The following ADAM10 variants were observed in gnomAD, a reference collection of about 807,000 sequenced individuals.
ADAM10 encodes the protein ADAM metallopeptidase domain 10.
Under a neutral mutation model 90.1 loss-of-function variants are expected in ADAM10, and 17 were observed. The observed-to-expected ratio is 0.19, with a 90% CI of 0.13 to 0.28. The LOEUF is 0.28. Ranked by LOEUF, ADAM10 falls within the 10% of genes least tolerant of loss-of-function variation. The pLI is 1.00. For missense variants in ADAM10, 610 were observed against 914.3 expected (o/e 0.67, Z 4.29); for synonymous variants, 310 against 298.6 (o/e 1.04, Z -0.40).
chr15:58,735,607 C>G (rs1273763291), intron 1 of ADAM10, among the ~76,000 whole-genome samples: 4 of 152,050 alleles, frequency 2.6e-5, no homozygotes, highest in African/African-American at 9.7e-5. Context: ...AGTTGTTGTA[C>G]TGTGTTGTGT....
chr15:58,674,134 T>C (rs960434377), intron 4 of ADAM10, among the ~76,000 whole-genome samples: 1 of 152,190 alleles, frequency 6.6e-6, no homozygotes, highest in Admixed American at 6.5e-5. Context: ...TGTGGCCTTC[T>C]CAACTTTTCG....
At chr15:58,706,760 C>T (rs1898302819) in intron 2 of ADAM10, among the ~76,000 whole-genome samples, 1 of 152,034 alleles carries the variant, frequency 6.6e-6, no homozygotes, top group African/African-American at 2.4e-5. Flanking sequence ...CCTGTAATTC[C>T]AGAACTTTGG....
intron 15 of ADAM10, among the ~76,000 whole-genome samples, chr15:58,598,770 T>C (rs1427553950): frequency 2.0e-5 from 3 of 152,236 alleles, no homozygotes; most frequent in Admixed American, 2.0e-4. Context: ...GTTTATTTCC[T>C]GTCCTTTTCT....
intron 14 of ADAM10, among the ~76,000 whole-genome samples, chr15:58,608,240 A>T (rs1425470347): frequency 6.6e-6 from 1 of 152,212 alleles, no homozygotes. Flanking sequence ...TGTAACACAG[A>T]AAGAAGACAA....
At chr15:58,612,970 T>A (rs1595990374) in intron 11 of ADAM10, among the ~76,000 whole-genome samples, 1 of 152,108 alleles carries the variant, frequency 6.6e-6, no homozygotes, top group African/African-American at 2.4e-5. Context: ...ACTCTACGCA[T>A]CCGCAACTGG....
intron 1 of ADAM10, among the ~76,000 whole-genome samples, chr15:58,746,414 C>G (rs1899793652): frequency 6.6e-6 from 1 of 152,194 alleles, no homozygotes; most frequent in South Asian, 2.1e-4. Context: ...CTGGGAGAGG[C>G]TGTACACATA....
At chr15:58,648,691 T>C (rs1387181421) in intron 5 of ADAM10, among the ~76,000 whole-genome samples, 6 of 152,188 alleles carry the variant, frequency 3.9e-5, no homozygotes, top group Admixed American at 6.5e-5. Context: ...TTCTCTTATT[T>C]ATCATATGAT....
chr15:58,642,281 C>G (rs1266978821), intron 7 of ADAM10, among the ~76,000 whole-genome samples: 1 of 152,090 alleles, frequency 6.6e-6, no homozygotes, highest in African/African-American at 2.4e-5. Flanking sequence ...GCCTGGCCAA[C>G]ATGGTGAAAC....
intron 4 of ADAM10, among the ~76,000 whole-genome samples, chr15:58,678,801 T>C (rs544852499): frequency 6.6e-6 from 1 of 152,234 alleles, no homozygotes; most frequent in East Asian, 1.9e-4. Flanking sequence ...CAATAGGTCA[T>C]ACACACAAAG....
chr15:58,673,666 T>A (rs1197738655), intron 4 of ADAM10, among the ~76,000 whole-genome samples: 1 of 152,026 alleles, frequency 6.6e-6, no homozygotes, highest in African/African-American at 2.4e-5. Flanking sequence ...ATATGCATAA[T>A]ATGAAAAGTC....
rs568112627 is a variant in ADAM10, at chr15:58,635,108, T to A, written c.1013-1749A>T. Among the ~76,000 whole-genome samples the A allele has an allele frequency of 8.3e-3, 1,256 of 151,824 alleles. 19 individuals carry two copies. Among genetic ancestry groups the A allele is most frequent in the African/African-American group, 0.029 (1,196 of 41,400 alleles). ...GAACATCTCGGTGAAACCCCATCTC[T>A]GCTAAAAATACAAAAAATTAGCAGG... On this transcript the variant is annotated intron_variant, in intron 8 of 15. Coordinates refer to ENST00000260408, the MANE Select transcript of ADAM10 (RefSeq NM_001110.4).
At chr15:58,745,720 C>G (rs1250853625) in intron 1 of ADAM10, among the ~76,000 whole-genome samples, 1 of 152,004 alleles carries the variant, frequency 6.6e-6, no homozygotes, top group Non-Finnish European at 1.5e-5. Flanking sequence ...GAACAACATA[C>G]CCACAGTACC....
rs1899913684 is a variant in ADAM10, at chr15:58,749,573, G to A, written c.-39C>T. 1.3e-6 allele frequency: 2 copies of A among 1,549,042 alleles called. No homozygotes were observed. The highest frequency in any genetic ancestry group is 1.7e-6 in the Non-Finnish European group (2 of 1,145,678). ...TGCCGCCGCCGCCGCCTCCTCACGG[G>A]TTAACAGCAGCACATCGATCCGGAG... On this transcript the variant is annotated 5_prime_UTR_variant, in exon 1 of 16. Transcript: ENST00000260408.
At chr15:58,725,512 A>G (rs1164852337) in intron 1 of ADAM10, among the ~76,000 whole-genome samples, 2 of 151,684 alleles carry the variant, frequency 1.3e-5, no homozygotes, top group Non-Finnish European at 2.9e-5. Flanking sequence ...CAACAGCCTC[A>G]GCAACAAAGT....
chr15:58,678,957 AT>A (rs1486532575), intron 4 of ADAM10, among the ~76,000 whole-genome samples, 166 bp downstream of exon 4: 8 of 152,322 alleles, frequency 5.3e-5, no homozygotes, highest in Admixed American at 2.6e-4. Flanking sequence ...AAATTGCCTC[AT>A]TACATATATC....
intron 2 of ADAM10, among the ~76,000 whole-genome samples, chr15:58,694,233 G>A (rs1001148641): frequency 3.9e-5 from 6 of 152,110 alleles, no homozygotes; most frequent in Non-Finnish European, 7.4e-5. Flanking sequence ...GCAGATCACT[G>A]AAGGTGAGGA....
chr15:58,688,517 TC>T (rs1208435634), intron 2 of ADAM10, among the ~76,000 whole-genome samples: 1 of 148,944 alleles, frequency 6.7e-6, no homozygotes, highest in Non-Finnish European at 1.5e-5. Context: ...AGAAAATTAG[TC>T]CCCCCCAAAA....
intron 2 of ADAM10, among the ~76,000 whole-genome samples, chr15:58,684,519 G>C (rs1300073376): frequency 6.6e-6 from 1 of 152,194 alleles, no homozygotes; most frequent in African/African-American, 2.4e-5. Context: ...AGAAACTCTT[G>C]AACAATGAGA....
intron 1 of ADAM10, among the ~76,000 whole-genome samples, chr15:58,734,855 T>A (rs1470663195): frequency 1.3e-5 from 2 of 151,416 alleles, no homozygotes; most frequent in African/African-American, 4.9e-5. Context: ...GACAGAAAAA[T>A]ATACATATAC....
Sources: gnomAD v4.1 joint callset for allele counts (sites outside exome capture counted in the v4.1 genomes callset) on GRCh38, gnomAD v4.1.1 for gene constraint, MANE v1.5 for transcripts, NCBI Gene and HGNC (gene_info 2026-07-23, HGNC 2026-07-21) for gene names.